The following SEC63 variants were observed in gnomAD, a reference collection of about 807,000 sequenced individuals.
SEC63 encodes the protein translocation protein SEC63 homolog.
A neutral mutation model predicts 116.2 loss-of-function variants in SEC63; 56 were observed. That is an observed-to-expected ratio of 0.48 (90% CI 0.39 to 0.60). The LOEUF is 0.60. Among genes scored for constraint, SEC63 ranks in the 20% least tolerant of loss-of-function variants. The pLI is 0.00. For missense variants in SEC63, 668 were observed against 900.0 expected, an observed-to-expected ratio of 0.74 and a Z score of 3.30; for synonymous variants, 273 against 294.6, an observed-to-expected ratio of 0.93 and a Z score of 0.75.
chr6:107,957,974 C>G lies in SEC63; in HGVS notation c.36G>C (p.Gly12=). ...AGGTGAGGAAGTAGAAGAAGGTGTT[C>G]CCACTGTCATCGTACTGGAACTGCT... ...AGQQFQYDDS[G]NTFFYFLTSF... The change falls in exon 1 of 21, where the codon GGG becomes GGC. Residue 12 remains glycine (G), a synonymous_variant. Transcript: ENST00000369002. 1 of 1,613,450 alleles carries G rather than the reference C, an allele frequency of 6.2e-7. No homozygotes were observed. Among genetic ancestry groups the G allele is most frequent in the African/African-American group, 1.3e-5 (1 of 74,972 alleles).
At chr6:107,895,263 T>C (rs1057420475) in intron 14 of SEC63, among the ~76,000 whole-genome samples, 2 of 152,218 alleles carry the variant, frequency 1.3e-5, no homozygotes, top group Non-Finnish European at 2.9e-5. Flanking sequence ...ATATGGGTAG[T>C]CTAGATTTGG....
chr6:107,958,072 G>A lies in SEC63; in HGVS notation c.-63C>T, dbSNP rs1770750469. ...CGCCACGACCACGCTCTGCACTCCC[G>A]CTCCCAACGCCCCGGCCCGAGTGGC... On this transcript the variant is annotated 5_prime_UTR_variant, in exon 1 of 21. Coordinates refer to ENST00000369002, the MANE Select transcript of SEC63 (RefSeq NM_007214.5). 2 of 1,597,500 alleles carry A rather than the reference G, an allele frequency of 1.3e-6. No individual in the cohort carries two copies. The highest frequency in any genetic ancestry group is 2.7e-5 in the African/African-American group (2 of 74,224).
chr6:107,872,045 A>G (rs896269978), intron 20 of SEC63, among the ~76,000 whole-genome samples, 198 bp from the exon 21 acceptor site: 1 of 152,226 alleles, frequency 6.6e-6, no homozygotes, highest in East Asian at 1.9e-4. Context: ...ACAATATGTA[A>G]ATGTAGTTAA....
In SEC63 at chr6:107,869,578, G is replaced by A. The variant is rs900221026; in HGVS notation, c.*2126C>T. ...TCTCATTCCAGAGGAAAAACGAAGG[G>A]ATGTGGAGTTTAGCGACTTGCTGGA... On this transcript the variant is annotated 3_prime_UTR_variant, in exon 21 of 21. Coordinates refer to ENST00000369002, the MANE Select transcript of SEC63 (RefSeq NM_007214.5). 2 of 152,146 alleles carry A rather than the reference G, an allele frequency of 1.3e-5. No homozygotes were observed. The highest frequency in any genetic ancestry group is 2.9e-5 in the Non-Finnish European group (2 of 68,030). 9.4% of individuals were successfully genotyped at this position (152,146 alleles called of 1,614,324 possible). A position where few individuals can be genotyped will look rare whatever the true frequency, so the allele number is the denominator to read the frequency against.
rs1394756417 is a variant in SEC63 at position 107,868,214 on chromosome 6, ATTGT to A, written c.*3486_*3489del. ...GTTAAATCAGACCGTTTGTGGGAAA[ATTGT>A]TTCTTAAAAAAAAAAAAACATTTTA... On this transcript the variant is annotated 3_prime_UTR_variant, in exon 21 of 21. Coordinates refer to ENST00000369002, the MANE Select transcript of SEC63 (RefSeq NM_007214.5). 1 of 77,920 alleles carries A rather than the reference ATTGT, an allele frequency of 1.3e-5. No individual in the cohort carries two copies. The highest frequency in any genetic ancestry group is 5.4e-5 in the African/African-American group (1 of 18,450). 4.8% of individuals were successfully genotyped at this position (77,920 alleles called of 1,614,324 possible). A position where few individuals can be genotyped will look rare whatever the true frequency, so the allele number is the denominator to read the frequency against.
intron 2 of SEC63, among the ~76,000 whole-genome samples, chr6:107,925,933 T>C (rs1033518147): frequency 2.0e-5 from 3 of 152,218 alleles, no homozygotes; most frequent in African/African-American, 2.4e-5. Context: ...CACAGCAACT[T>C]CAGCCTCCTG....
chr6:107,874,262 T>A (rs963709142), intron 19 of SEC63, among the ~76,000 whole-genome samples: 1 of 151,844 alleles, frequency 6.6e-6, no homozygotes, highest in Non-Finnish European at 1.5e-5. Context: ...ACACCTTGCC[T>A]GGATTCTTGA....
At position 107,883,027 on chromosome 6, in the gene SEC63, A is replaced by C; in HGVS notation, c.1794T>G (p.Asp598Glu). 1 of 1,612,612 alleles carries C rather than the reference A, an allele frequency of 6.2e-7. No homozygotes were observed. Among genetic ancestry groups the C allele is most frequent in the South Asian group, 1.1e-5 (1 of 91,062 alleles). The change falls in exon 17 of 21, where the codon GAT (aspartate) becomes GAG (glutamate). Residue 598 changes from aspartate (D) to glutamate (E), a missense_variant. Asp to Glu is a conservative substitution (Grantham distance 45). Transcript: ENST00000369002. ...EKDDGSDRDSDREQDEKQNKD... is the reference protein window; with the variant it reads ...EKDDGSDRDSEREQDEKQNKD... Reference sequence around the variant, plus strand: ...TGTTTTGTTTTTCATCTTGCTCTCTATCAGAGTCTCTGTCACTACCATCAT... The same window carrying C: ...TGTTTTGTTTTTCATCTTGCTCTCTCTCAGAGTCTCTGTCACTACCATCAT...
chr6:107,876,422 G>A, intron 19 of SEC63, 142 bp downstream of exon 19: 1 of 631,954 alleles, frequency 1.6e-6, no homozygotes, highest in Non-Finnish European at 2.9e-6. Flanking sequence ...CCCCAAAATA[G>A]AGAACAGTTA....
chr6:107,910,291 C>T (rs950858704), intron 7 of SEC63, among the ~76,000 whole-genome samples: 1 of 151,942 alleles, frequency 6.6e-6, no homozygotes, highest in Non-Finnish European at 1.5e-5. Flanking sequence ...CGTGGCAAGA[C>T]CCCATCTCTA....
chr6:107,910,737 GT>G (rs1252465768), intron 7 of SEC63, among the ~76,000 whole-genome samples: 1 of 151,968 alleles, frequency 6.6e-6, no homozygotes, highest in Non-Finnish European at 1.5e-5. Flanking sequence ...ATGTATATAT[GT>G]ATCTGTGTTA....
At chr6:107,954,405 C>T (rs1421070882) in intron 1 of SEC63, among the ~76,000 whole-genome samples, 1 of 146,838 alleles carries the variant, frequency 6.8e-6, no homozygotes, top group African/African-American at 2.5e-5. Flanking sequence ...CCTCCCTCCA[C>T]TATTGTCCTA....
chr6:107,946,968 C>A (rs1227993403), intron 1 of SEC63, among the ~76,000 whole-genome samples: 1 of 152,188 alleles, frequency 6.6e-6, no homozygotes, highest in Non-Finnish European at 1.5e-5. Context: ...CATGCCACTG[C>A]ACTCCAGCCT....
intron 1 of SEC63, among the ~76,000 whole-genome samples, chr6:107,935,043 C>G (rs1222023801): frequency 6.7e-4 from 87 of 130,350 alleles, no homozygotes; most frequent in Non-Finnish European, 1.2e-3. Flanking sequence ...AGGTGAGGGG[C>G]GCCTCTGCCC....
intron 16 of SEC63, among the ~76,000 whole-genome samples, chr6:107,893,107 T>TACACACACAC (rs55814816): frequency 6.9e-6 from 1 of 145,818 alleles, no homozygotes; most frequent in Non-Finnish European, 1.5e-5. Context: ...TGAAATACTA[T>TACACACACAC]ACACACACAC....
chr6:107,915,036 C>G (rs1370430236), intron 4 of SEC63, among the ~76,000 whole-genome samples: 1 of 152,154 alleles, frequency 6.6e-6, no homozygotes, highest in Non-Finnish European at 1.5e-5. Flanking sequence ...AACTTAAAGT[C>G]AGTTTAAGAA....
chr6:107,921,239 C>A (rs1787548934), intron 4 of SEC63, among the ~76,000 whole-genome samples: 1 of 152,010 alleles, frequency 6.6e-6, no homozygotes, highest in African/African-American at 2.4e-5. Context: ...AGTATACCCT[C>A]CTCTAATCAA....
In SEC63 at chr6:107,870,056, C is replaced by G; in HGVS notation, c.*1648G>C. On this transcript the variant is annotated 3_prime_UTR_variant, in exon 21 of 21. Coordinates refer to ENST00000369002, the MANE Select transcript of SEC63 (RefSeq NM_007214.5). ...TCACTTGACACCAGCTGGCTTACCC[C>G]CTGCCACCACACTTAGGTAATCAGT... is the stretch of plus-strand genomic sequence containing the variant. The G allele has an allele frequency of 6.6e-6, 1 of 152,340 alleles. No homozygotes were observed. Among genetic ancestry groups the G allele is most frequent in the Non-Finnish European group, 1.5e-5 (1 of 68,064 alleles). The allele number at this position is 152,340 out of a possible 1,614,324, so 9.4% of individuals were successfully genotyped here.
intron 5 of SEC63, among the ~76,000 whole-genome samples, chr6:107,913,044 C>G (rs1389815572): frequency 1.3e-5 from 2 of 152,026 alleles, no homozygotes; most frequent in African/African-American, 4.8e-5. Flanking sequence ...TTTATATGTC[C>G]TGAGTTTACA....
Sources: gnomAD v4.1 joint callset for allele counts (sites outside exome capture counted in the v4.1 genomes callset) on GRCh38, gnomAD v4.1.1 for gene constraint, MANE v1.5 for transcripts, NCBI Gene and HGNC (gene_info 2026-07-23, HGNC 2026-07-21) for gene names.